The following RBFOX1 variants were observed in gnomAD, a reference collection of about 807,000 sequenced individuals.
RBFOX1 encodes the protein RNA binding fox-1 homolog 1, also known as RNA binding protein fox-1 homolog 1.
Under a neutral mutation model 57.7 loss-of-function variants are expected in RBFOX1, and 8 were observed. That is an observed-to-expected ratio of 0.14 (90% confidence interval 0.08 to 0.25). RBFOX1 has a LOEUF of 0.25. Among genes scored for constraint, RBFOX1 ranks in the 10% least tolerant of loss-of-function variants. The probability of loss-of-function intolerance (pLI) is 1.00; values close to 1 mark genes in which losing one functional copy is unlikely to be tolerated. For synonymous variants in RBFOX1, 326 were observed against 222.4 expected, an observed-to-expected ratio of 1.47 and a Z score of -4.15; for missense variants, 611 against 548.5, an observed-to-expected ratio of 1.11 and a Z score of -1.14.
At chr16:7,168,605 C>T (rs1048588982) in intron 4 of RBFOX1, among the ~76,000 whole-genome samples, 3 of 152,120 alleles carry the variant, frequency 2.0e-5, no homozygotes, top group Non-Finnish European at 2.9e-5. Flanking sequence ...TCTTGGTTTA[C>T]ATCTCAGTGG....
intron 1 of RBFOX1, among the ~76,000 whole-genome samples, chr16:6,307,879 T>C (rs1293720083): frequency 7.0e-6 from 1 of 141,898 alleles, no homozygotes; most frequent in Non-Finnish European, 1.5e-5. Context: ...TGATAATTTA[T>C]ATTATTTATA....
chr16:6,457,201 C>G (rs1837371622), intron 2 of RBFOX1, among the ~76,000 whole-genome samples: 1 of 152,146 alleles, frequency 6.6e-6, no homozygotes, highest in Non-Finnish European at 1.5e-5. Context: ...ATAAGACAGT[C>G]TAAGCACCAG....
intron 3 of RBFOX1, among the ~76,000 whole-genome samples, chr16:5,732,847 A>G (rs2052430899): frequency 6.6e-6 from 1 of 152,156 alleles, no homozygotes; most frequent in African/African-American, 2.4e-5. Flanking sequence ...CCGTGTCTTC[A>G]TGGAGCCAGG....
chr16:6,175,720 T>A (rs1161791796), intron 1 of RBFOX1, among the ~76,000 whole-genome samples: 3 of 152,144 alleles, frequency 2.0e-5, no homozygotes, highest in Admixed American at 2.0e-4. Context: ...TCTAAGTGGT[T>A]CCCCATTGGT....
chr16:5,663,620 G>A (rs1567365384), intron 3 of RBFOX1, among the ~76,000 whole-genome samples: 1 of 152,182 alleles, frequency 6.6e-6, no homozygotes, highest in Non-Finnish European at 1.5e-5. Context: ...GCTGGTTTAT[G>A]TACTGAATGA....
At chr16:5,714,341 C>G (rs140517642) in intron 3 of RBFOX1, among the ~76,000 whole-genome samples, 1 of 152,316 alleles carries the variant, frequency 6.6e-6, no homozygotes, top group African/African-American at 2.4e-5. Flanking sequence ...CACCCATTGC[C>G]TTGAACTGCT....
chr16:5,749,645 C>T (rs2053119188), intron 3 of RBFOX1, among the ~76,000 whole-genome samples: 1 of 152,186 alleles, frequency 6.6e-6, no homozygotes, highest in African/African-American at 2.4e-5. Context: ...CCCTTTCTTC[C>T]AGTTGATCGA....
chr16:6,608,990 C>G (rs1016360936), intron 2 of RBFOX1, among the ~76,000 whole-genome samples: 1 of 152,166 alleles, frequency 6.6e-6, no homozygotes. Context: ...GCCAGGCAAG[C>G]CTTTCTTCCA....
intron 1 of RBFOX1, among the ~76,000 whole-genome samples, chr16:5,251,344 G>A (rs1446086961): frequency 6.6e-6 from 1 of 152,278 alleles, no homozygotes; most frequent in African/African-American, 2.4e-5. Context: ...GATCACTGTT[G>A]ACAGCACGTT....
chr16:7,453,602 C>T (rs71374948), intron 4 of RBFOX1, among the ~76,000 whole-genome samples: 4,962 of 152,222 alleles, frequency 0.033, 104 homozygotes, highest in Non-Finnish European at 0.053. Flanking sequence ...TGAGCAGGCA[C>T]TGTATATAGT....
At chr16:5,785,222 C>T (rs867780904) in intron 3 of RBFOX1, among the ~76,000 whole-genome samples, 11 of 152,200 alleles carry the variant, frequency 7.2e-5, no homozygotes, top group South Asian at 2.1e-4. Context: ...TCAGTGAAGG[C>T]ACTACCTCAG....
chr16:5,834,547 GT>G (rs1223669199), intron 3 of RBFOX1, among the ~76,000 whole-genome samples: 3 of 151,954 alleles, frequency 2.0e-5, no homozygotes, highest in Non-Finnish European at 4.4e-5. Flanking sequence ...AATTGTGAAT[GT>G]GCCGTGATAA....
chr16:6,676,692 T>G (rs1603352977), intron 3 of RBFOX1, among the ~76,000 whole-genome samples: 2 of 120,970 alleles, frequency 1.7e-5, no homozygotes, highest in Admixed American at 1.7e-4. Context: ...TTTTTTTTTT[T>G]GAGACAAAGT....
intron 4 of RBFOX1, among the ~76,000 whole-genome samples, chr16:7,156,744 C>T (rs1253106976): frequency 6.6e-6 from 1 of 152,044 alleles, no homozygotes; most frequent in East Asian, 1.9e-4. Context: ...TGTTAAATGG[C>T]TTGAGTTTTG....
At chr16:7,549,282 A>G (rs1051499348) in intron 5 of RBFOX1, among the ~76,000 whole-genome samples, 42 of 152,178 alleles carry the variant, frequency 2.8e-4, no homozygotes, top group Non-Finnish European at 7.4e-5. Context: ...ATGCTGTAGG[A>G]CTGTGAATAA....
intron 2 of RBFOX1, among the ~76,000 whole-genome samples, chr16:6,498,677 A>C (rs2095839706): frequency 6.6e-6 from 1 of 152,240 alleles, no homozygotes; most frequent in Admixed American, 6.5e-5. Flanking sequence ...TTTCTAAAGA[A>C]TGTGTGATCA....
intron 14 of RBFOX1, among the ~76,000 whole-genome samples, chr16:7,702,810 C>G (rs929690217): frequency 6.6e-6 from 1 of 152,200 alleles, no homozygotes; most frequent in African/African-American, 2.4e-5. Flanking sequence ...ATACCAGCAA[C>G]AATGCAAACC....
chr16:7,630,643 C>A lies in RBFOX1; in HGVS notation c.717C>A (p.Ser239=), dbSNP rs201549920. 16 of 1,614,156 alleles carry A rather than the reference C, an allele frequency of 9.9e-6. No individual in the cohort carries two copies. The highest frequency in any genetic ancestry group is 1.3e-5 in the African/African-American group (1 of 75,026). Residue 239 remains serine (S), a synonymous_variant, in exon 11 of 16, where the codon TCC becomes TCA. Coordinates refer to ENST00000550418, the MANE Select transcript of RBFOX1 (RefSeq NM_018723.4). ...LLCQANQEGS[S]MYSAPSSLVY... ...GCCAGGCCAACCAGGAGGGATCTTCCATGTACAGTGCCCCCAGTTCACTTG... is the reference window on the plus strand; with the variant it reads ...GCCAGGCCAACCAGGAGGGATCTTCAATGTACAGTGCCCCCAGTTCACTTG...
chr16:6,134,275 A>G, intron 1 of RBFOX1, among the ~76,000 whole-genome samples: 1 of 152,164 alleles, frequency 6.6e-6, no homozygotes, highest in African/African-American at 2.4e-5. Context: ...CCTTGTTTGC[A>G]GCAGATATTG....
Sources: gnomAD v4.1 joint callset for allele counts (sites outside exome capture counted in the v4.1 genomes callset) on GRCh38, gnomAD v4.1.1 for gene constraint, MANE v1.5 for transcripts, NCBI Gene and HGNC (gene_info 2026-07-23, HGNC 2026-07-21) for gene names.